ARK2N: variants seen among roughly 807,000 people sequenced by gnomAD.
ARK2N encodes the protein arkadia (RNF111) N-terminal like PKA signaling regulator 2N.
the ARK2N span, chr18:46,264,039 C>T: frequency 0.011 from 1,624 of 152,370 alleles, 14 homozygotes; most frequent in Non-Finnish European, 0.018. Flanking sequence ...TCTTTCATAG[C>T]TGGTCTCTGT....
the ARK2N span, among the ~76,000 whole-genome samples, chr18:46,234,554 C>CTTTT: frequency 6.8e-6 from 1 of 147,644 alleles, no homozygotes; most frequent in South Asian, 2.1e-4. Context: ...AATAAAACTG[C>CTTTT]TTTTTTTTTT....
the ARK2N span, among the ~76,000 whole-genome samples, chr18:46,200,552 C>T: frequency 8.5e-5 from 13 of 152,090 alleles, no homozygotes; most frequent in African/African-American, 2.9e-4. Flanking sequence ...ATGATCCGCC[C>T]GCCTCAGCCT....
the ARK2N span, among the ~76,000 whole-genome samples, chr18:46,208,610 C>A: frequency 5.3e-5 from 8 of 151,802 alleles, no homozygotes; most frequent in Admixed American, 5.3e-4. Context: ...GCTGGGATTA[C>A]AGGCATGTGC....
the ARK2N span, chr18:46,215,756 G>A: frequency 1.1e-6 from 1 of 914,088 alleles, no homozygotes; most frequent in Non-Finnish European, 1.7e-6. Context: ...TAGGCATGTT[G>A]TGTTGACTAA....
the ARK2N span, chr18:46,219,049 A>G: frequency 6.6e-6 from 1 of 152,256 alleles, no homozygotes; most frequent in Admixed American, 6.5e-5. Context: ...AATTCCTGTT[A>G]GGATATCCTA....
the ARK2N span, among the ~76,000 whole-genome samples, chr18:46,252,012 A>G: frequency 7.2e-5 from 11 of 151,990 alleles, no homozygotes; most frequent in African/African-American, 2.7e-4. Flanking sequence ...GGCCAACGTG[A>G]CGAAACCCCA....
chr18:46,249,764 T>C, the ARK2N span, among the ~76,000 whole-genome samples: 1 of 152,176 alleles, frequency 6.6e-6, no homozygotes, highest in Admixed American at 6.5e-5. Flanking sequence ...CTCAGTACCA[T>C]CCTATCTCCT....
At chr18:46,216,546 T>G in the ARK2N span, 1 of 1,614,030 alleles carries the variant, frequency 6.2e-7, no homozygotes, top group Non-Finnish European at 8.5e-7. This position sits in a 1 kb window ranked among gnomAD's most constrained non-coding sequence, Gnocchi z 4.3. Context: ...CATCAGATGA[T>G]GATGAAGAGG....
At chr18:46,209,865 A>G in the ARK2N span, among the ~76,000 whole-genome samples, 7 of 152,144 alleles carry the variant, frequency 4.6e-5, no homozygotes, top group Admixed American at 2.0e-4. Context: ...AAGTGCTGGG[A>G]TTACAGGCGT....
the ARK2N span, among the ~76,000 whole-genome samples, chr18:46,258,611 T>C: frequency 6.6e-6 from 1 of 152,182 alleles, no homozygotes; most frequent in Admixed American, 6.5e-5. Context: ...AAATGCAAAG[T>C]ATGGCTCTAG....
chr18:46,216,095 C>T, the ARK2N span: 1 of 1,614,142 alleles, frequency 6.2e-7, no homozygotes, highest in Non-Finnish European at 8.5e-7. The surrounding 1 kb of genome is among the most constrained non-coding windows in gnomAD (Gnocchi z 4.3). Flanking sequence ...TCTCAGTTAG[C>T]ATCCACAGAG....
chr18:46,189,973 G>T, the ARK2N span, among the ~76,000 whole-genome samples: 1 of 146,432 alleles, frequency 6.8e-6, no homozygotes, highest in Non-Finnish European at 1.5e-5. Context: ...AAGGCTACTT[G>T]TGTAGCACGA....
At chr18:46,176,923 A>T in the ARK2N span, among the ~76,000 whole-genome samples, 1 of 151,824 alleles carries the variant, frequency 6.6e-6, no homozygotes, top group South Asian at 2.1e-4. Context: ...GCTAATTTTT[A>T]AATTTTTTGT....
At chr18:46,266,134 T>G in the ARK2N span, 1 of 152,246 alleles carries the variant, frequency 6.6e-6, no homozygotes, top group Non-Finnish European at 1.5e-5. Context: ...TAAACTTTGC[T>G]TTTATTATCA....
chr18:46,180,694 A>T, the ARK2N span, among the ~76,000 whole-genome samples: 1 of 150,172 alleles, frequency 6.7e-6, no homozygotes, highest in Non-Finnish European at 1.5e-5. Context: ...CAAGAGGGAA[A>T]CTCTGTCTCA....
chr18:46,184,930 A>G, the ARK2N span, among the ~76,000 whole-genome samples: 2 of 152,330 alleles, frequency 1.3e-5, no homozygotes, highest in African/African-American at 2.4e-5. Flanking sequence ...TACACACACA[A>G]TCACTTTAAA....
At chr18:46,263,164 C>T in the ARK2N span, 8 of 1,503,862 alleles carry the variant, frequency 5.3e-6, no homozygotes, top group Non-Finnish European at 7.2e-6. Context: ...TCCACTTCCT[C>T]ATCCTCTTTG....
the ARK2N span, among the ~76,000 whole-genome samples, chr18:46,213,312 A>G: frequency 6.6e-6 from 1 of 152,012 alleles, no homozygotes; most frequent in Non-Finnish European, 1.5e-5. Context: ...AAGAAGAATC[A>G]TTATTCCAGA....
At chr18:46,183,313 C>T in the ARK2N span, among the ~76,000 whole-genome samples, 3 of 152,112 alleles carry the variant, frequency 2.0e-5, 1 homozygote, top group Admixed American at 2.0e-4. Context: ...TGGTGGTAAA[C>T]GTTTTTCTCT....
Sources: allele counts gnomAD v4.1 joint callset (sites outside exome capture counted in the v4.1 genomes callset), GRCh38; gene constraint gnomAD v4.1.1; non-coding constraint Gnocchi (gnomAD v3.1); transcripts MANE v1.5; gene names NCBI Gene and HGNC (gene_info 2026-07-23, HGNC 2026-07-21).